Variants in C12orf56 observed in about 807,000 individuals in gnomAD.
The protein encoded by C12orf56 is chromosome 12 open reading frame 56, also known as uncharacterized protein C12orf56.
C12orf56 carries 71 observed loss-of-function variants against 69.9 expected under a neutral mutation model. That is an observed-to-expected ratio of 1.02 (90% CI 0.84 to 1.24). The LOEUF (loss-of-function observed/expected upper bound fraction) is 1.24. C12orf56 is among the 50% of genes most tolerant of loss of function. The pLI is 0.00. For synonymous variants in C12orf56, 276 were observed against 274.1 expected (o/e 1.01, Z -0.07); for missense variants, 732 against 738.5 (o/e 0.99, Z 0.10).
chr12:64,295,005 A>G (rs2038346573), intron 6 of C12orf56, among the ~76,000 whole-genome samples: 1 of 151,616 alleles, frequency 6.6e-6, no homozygotes, highest in Non-Finnish European at 1.5e-5. Context: ...GTTTCAAGCG[A>G]TTTCCTGTCT....
rs138769016 is a variant in C12orf56 at position 64,308,599 on chromosome 12, G to A, written c.968+4080C>T. On this transcript the variant is annotated intron_variant, in intron 5 of 12. Coordinates refer to ENST00000543942, the MANE Select transcript of C12orf56 (RefSeq NM_001170633.2). ...GGCTCATGTCTGTAATCCCAGCACT[G>A]TGGGAGGCCAAGGCAGGCAGATCAC... Among the ~76,000 whole-genome samples the A allele has an allele frequency of 5.3e-3, 801 of 151,182 alleles. 11 individuals carry two copies. The highest frequency in any genetic ancestry group is 0.019 in the African/African-American group (767 of 41,174).
chr12:64,309,109 T>A (rs1423690171), intron 5 of C12orf56, among the ~76,000 whole-genome samples: 1 of 152,194 alleles, frequency 6.6e-6, no homozygotes, highest in Non-Finnish European at 1.5e-5. Context: ...ACATATATAC[T>A]TTTTAAAAAA....
intron 6 of C12orf56, among the ~76,000 whole-genome samples, chr12:64,299,310 T>C (rs2038412808): frequency 6.6e-6 from 1 of 152,208 alleles, no homozygotes; most frequent in Non-Finnish European, 1.5e-5. Context: ...TTTCTAAATA[T>C]ACAATCATGT....
chr12:64,340,748 G>C (rs1565764482), intron 2 of C12orf56, among the ~76,000 whole-genome samples: 1 of 152,184 alleles, frequency 6.6e-6, no homozygotes, highest in Non-Finnish European at 1.5e-5. Context: ...TCTGCATCTG[G>C]TCACGTCATC....
chr12:64,365,998 ATAT>A (rs1338180792), intron 1 of C12orf56, among the ~76,000 whole-genome samples: 12 of 127,586 alleles, frequency 9.4e-5, no homozygotes, highest in Admixed American at 4.4e-4. Context: ...TATATAGTTT[ATAT>A]TATTATATAT....
Position 64,321,997 on chromosome 12 carries a change from TATTTA to T in C12orf56, c.489-3022_489-3018del, listed in dbSNP as rs2038779713. 2.1e-5 allele frequency among the ~76,000 whole-genome samples: 3 copies of T among 143,816 alleles called. No individual in the cohort carries two copies. The South Asian group carries it at 6.5e-4, about 31-fold the overall frequency. 94.3% of individuals were successfully genotyped at this position (143,816 alleles called of 152,430 possible). A position where few individuals can be genotyped will look rare whatever the true frequency, so the allele number is the denominator to read the frequency against. On this transcript the variant is annotated intron_variant, in intron 3 of 12. Transcript: ENST00000543942. ...CTTTTCATTAATTTTTTTTTACATT[TATTTA>T]ATTTATTATTATTATTATTATTTTT...
At chr12:64,301,019 T>C (rs1233016342) in intron 6 of C12orf56, among the ~76,000 whole-genome samples, 1 of 152,214 alleles carries the variant, frequency 6.6e-6, no homozygotes. Flanking sequence ...CAGTTTCCCC[T>C]GCACATTCTC....
chr12:64,271,829 C>G lies in C12orf56; in HGVS notation c.1585-1115G>C, dbSNP rs1044065890. Reference sequence around the variant, plus strand: ...TTTTTAACTTTTCTAGCACCTTTCTCTAACCAAGTAAGATAATGAGAGCTG... The same window carrying G: ...TTTTTAACTTTTCTAGCACCTTTCTGTAACCAAGTAAGATAATGAGAGCTG... On this transcript the variant is annotated intron_variant, in intron 11 of 12. Transcript: ENST00000543942. 3.3e-5 allele frequency among the ~76,000 whole-genome samples: 5 copies of G among 152,316 alleles called. No homozygotes were observed. In the East Asian group the frequency reaches 9.7e-4, roughly 29 times the overall value.
chr12:64,321,135 C>T (rs528114599), intron 3 of C12orf56, among the ~76,000 whole-genome samples: 1 of 152,206 alleles, frequency 6.6e-6, no homozygotes, highest in South Asian at 2.1e-4. Context: ...AATAATAGTA[C>T]CCATCTCATA....
chr12:64,305,048 C>T (rs2038493610), intron 5 of C12orf56, among the ~76,000 whole-genome samples: 1 of 152,152 alleles, frequency 6.6e-6, no homozygotes, highest in Non-Finnish European at 1.5e-5. Context: ...CCTACTACCT[C>T]CCCCTTTATT....
chr12:64,269,505 T>C (rs1181652097), intron 12 of C12orf56, among the ~76,000 whole-genome samples: 1 of 152,224 alleles, frequency 6.6e-6, no homozygotes, highest in Non-Finnish European at 1.5e-5. Context: ...TCATTAATTG[T>C]TACTCCTTTA....
intron 6 of C12orf56, among the ~76,000 whole-genome samples, chr12:64,303,190 C>T (rs572429410): frequency 9.5e-4 from 145 of 151,946 alleles, no homozygotes; most frequent in Middle Eastern, 6.8e-3. Context: ...AAGAGAATGG[C>T]TTATACCTGG....
chr12:64,379,671 T>C (rs1045603730), intron 1 of C12orf56, among the ~76,000 whole-genome samples: 1 of 151,882 alleles, frequency 6.6e-6, no homozygotes, highest in Non-Finnish European at 1.5e-5. Context: ...CTTCCTGCTG[T>C]CTCCCACAGT....
chr12:64,275,303 GA>G lies in C12orf56; in HGVS notation c.1503del (p.Gln502SerfsTer17). On this transcript the variant is annotated frameshift_variant, in exon 10 of 13. Transcript: ENST00000543942. LOFTEE classifies it high-confidence loss of function. Reference protein sequence around the residue: ...TALLYEILLVFQQGNLGLGST... With the variant: ...TALLYEILLVXQQGNLGLGST... ...ATAATTTTTAAAAATTGTACCTGCT[GA>G]AAGACCAGAAGTATCTCATATAAAA... 7.2e-7 allele frequency: 1 copy of G among 1,391,550 alleles called. No homozygotes were observed. Among genetic ancestry groups the G allele is most frequent in the Non-Finnish European group, 9.6e-7 (1 of 1,042,798 alleles). The allele number at this position is 1,391,550 out of a possible 1,614,324, so 86.2% of individuals were successfully genotyped here.
At chr12:64,299,744 A>G (rs2038419557) in intron 6 of C12orf56, among the ~76,000 whole-genome samples, 1 of 152,176 alleles carries the variant, frequency 6.6e-6, no homozygotes, top group South Asian at 2.1e-4. Context: ...TAGAAACTGT[A>G]TCATAATCAT....
chr12:64,268,024 C>A (rs2037936999), intron 12 of C12orf56, among the ~76,000 whole-genome samples: 1 of 152,110 alleles, frequency 6.6e-6, no homozygotes, highest in African/African-American at 2.4e-5. Flanking sequence ...TGAAATGCTA[C>A]AATGAGCATT....
chr12:64,318,566 G>T lies in C12orf56; in HGVS notation c.894+9C>A. On this transcript the variant is annotated intron_variant, in intron 4 of 12. Coordinates refer to ENST00000543942, the MANE Select transcript of C12orf56 (RefSeq NM_001170633.2). ...ATTCAGGTTAAGGTTAACTTAGGAG[G>T]ACACTTACTATAATATAATTGTTCC... 1 of 1,512,306 alleles carries T rather than the reference G, an allele frequency of 6.6e-7. No individual in the cohort carries two copies. Among genetic ancestry groups the T allele is most frequent in the Non-Finnish European group, 8.8e-7 (1 of 1,132,202 alleles). The allele number at this position is 1,512,306 out of a possible 1,614,324, so 93.7% of individuals were successfully genotyped here.
chr12:64,272,393 T>C (rs1028259519), intron 11 of C12orf56, among the ~76,000 whole-genome samples: 2 of 151,682 alleles, frequency 1.3e-5, no homozygotes, highest in African/African-American at 4.8e-5. Context: ...TAATCCCAGC[T>C]ACTTGGGAGA....
intron 3 of C12orf56, among the ~76,000 whole-genome samples, chr12:64,326,051 G>T (rs2038835024): frequency 6.6e-6 from 1 of 152,068 alleles, no homozygotes; most frequent in East Asian, 1.9e-4. Context: ...CCTTCTACCT[G>T]AAACAACCAA....
Sources: allele counts gnomAD v4.1 joint callset (sites outside exome capture counted in the v4.1 genomes callset), GRCh38; gene constraint gnomAD v4.1.1; transcripts MANE v1.5; gene names NCBI Gene and HGNC (gene_info 2026-07-23, HGNC 2026-07-21).